PAK4: variants seen among roughly 807,000 people sequenced by gnomAD.
The protein encoded by PAK4 is p21 (RAC1) activated kinase 4, also known as serine/threonine-protein kinase PAK 4.
PAK4 carries 49 observed loss-of-function variants against 53.5 expected under a neutral mutation model. The observed-to-expected ratio is 0.92, with a 90% CI of 0.73 to 1.16. PAK4 has a LOEUF of 1.16. Among genes scored for constraint, PAK4 ranks in the 50% most tolerant of loss-of-function variants. The probability of loss-of-function intolerance (pLI) is 0.00; values close to 1 mark genes in which losing one functional copy is unlikely to be tolerated. For missense variants in PAK4, 824 were observed against 850.7 expected, an observed-to-expected ratio of 0.97 and a Z score of 0.39; for synonymous variants, 376 against 375.6, an observed-to-expected ratio of 1.00 and a Z score of -0.01.
chr19:39,145,217 T>C (rs1254934119), intron 1 of PAK4, among the ~76,000 whole-genome samples: 6 of 151,962 alleles, frequency 3.9e-5, no homozygotes, highest in Admixed American at 6.6e-5. Context: ...AAATGCTTGC[T>C]GTGGGTGCAG....
At chr19:39,172,470 A>AGT (rs1401803625) in intron 2 of PAK4, among the ~76,000 whole-genome samples, 1 of 151,496 alleles carries the variant, frequency 6.6e-6, no homozygotes, top group Non-Finnish European at 1.5e-5. Context: ...GGGAGCAGAG[A>AGT]GTGTGGTTTT....
rs763836055 is a variant in PAK4, at chr19:39,176,723, C to T, written c.1485+8C>T. 1 of 1,607,280 alleles carries T rather than the reference C, an allele frequency of 6.2e-7. No individual in the cohort carries two copies. Among genetic ancestry groups the T allele is most frequent in the Non-Finnish European group, 8.5e-7 (1 of 1,179,550 alleles). The stretch of plus-strand genomic sequence containing the variant: ...CTTCCCTACGGGCCAGAGGTGAGCC[C>T]CGGGGTGGCTTGGTTGTCCCGCCGT... On this transcript the variant is annotated splice_region_variant and intron_variant, in intron 7 of 8. Transcript: ENST00000358301.
chr19:39,179,093 T>G (rs1379446584), exon 9 of PAK4: 1 of 152,466 alleles, frequency 6.6e-6, no homozygotes, highest in Non-Finnish European at 1.5e-5. Context: ...AAGAGTGGCC[T>G]TTTCCCGTAG....
chr19:39,148,593 T>A (rs1164590188), intron 1 of PAK4, among the ~76,000 whole-genome samples: 1 of 146,420 alleles, frequency 6.8e-6, no homozygotes, highest in African/African-American at 2.5e-5. Context: ...TAGCTGGGAC[T>A]AGGGAGGCGC....
At chr19:39,170,313 T>G (rs1242634645) in intron 2 of PAK4, among the ~76,000 whole-genome samples, 1 of 150,426 alleles carries the variant, frequency 6.6e-6, no homozygotes, top group Admixed American at 6.6e-5. Flanking sequence ...CGGGCTTTAG[T>G]GGAGAAAATC....
At chr19:39,169,824 C>G (rs2144822786) in intron 2 of PAK4, 67 bp downstream of exon 3, 1 of 1,140,346 alleles carries the variant, frequency 8.8e-7, no homozygotes, top group Non-Finnish European at 1.2e-6. Context: ...GCCCTCAACC[C>G]CACACTCGAC....
chr19:39,166,466 C>T (rs1685859824), intron 1 of PAK4, among the ~76,000 whole-genome samples: 1 of 152,184 alleles, frequency 6.6e-6, no homozygotes, highest in Admixed American at 6.5e-5. Flanking sequence ...AAATACTCCA[C>T]GAAGCAGCTA....
intron 1 of PAK4, among the ~76,000 whole-genome samples, chr19:39,127,246 C>G (rs1033867681): frequency 4.6e-5 from 7 of 151,868 alleles, no homozygotes; most frequent in Non-Finnish European, 8.8e-5. Context: ...TTAGTCACTC[C>G]CACCTCACTT....
chr19:39,169,538 C>T (rs1240832597), exon 2 of PAK4: 2 of 1,610,174 alleles, frequency 1.2e-6, no homozygotes, highest in African/African-American at 1.3e-5. Flanking sequence ...GCAGGCCGCA[C>T]CGAGTCCCCG....
intron 1 of PAK4, among the ~76,000 whole-genome samples, chr19:39,126,700 G>GC: frequency 6.6e-6 from 1 of 151,982 alleles, no homozygotes; most frequent in South Asian, 2.1e-4. Flanking sequence ...CGGAGTTCTG[G>GC]CCCAGAGCCC....
chr19:39,160,568 C>T (rs2074268151), intron 1 of PAK4, among the ~76,000 whole-genome samples: 1 of 152,174 alleles, frequency 6.6e-6, no homozygotes, highest in African/African-American at 2.4e-5. Flanking sequence ...CAGTGCAGTT[C>T]TGGCTGAGGG....
chr19:39,154,075 C>T (rs1358146969), intron 1 of PAK4, among the ~76,000 whole-genome samples: 1 of 152,130 alleles, frequency 6.6e-6, no homozygotes, highest in African/African-American at 2.4e-5. Flanking sequence ...TGTAGTCATT[C>T]ATTCATTCAT....
At chr19:39,157,380 A>C (rs1191249081) in intron 1 of PAK4, among the ~76,000 whole-genome samples, 1 of 141,628 alleles carries the variant, frequency 7.1e-6, no homozygotes, top group African/African-American at 2.6e-5. Flanking sequence ...TCTCTTTGGG[A>C]GTCTCTGCAT....
At chr19:39,180,936 A>C (rs2074693852), downstream of PAK4, 1 of 152,238 alleles carries the variant, frequency 6.6e-6, no homozygotes, top group Non-Finnish European at 1.5e-5. Flanking sequence ...ACGGGCACTG[A>C]GAACAGCTAG....
At chr19:39,134,563 A>C (rs2073775217) in intron 1 of PAK4, among the ~76,000 whole-genome samples, 1 of 151,800 alleles carries the variant, frequency 6.6e-6, no homozygotes, top group South Asian at 2.1e-4. Flanking sequence ...CTGTGTGCTG[A>C]GTGTATCTGT....
Position 39,173,430 on chromosome 19 carries a change from G to A in PAK4, c.663+54G>A. 1 of 1,405,134 alleles carries A rather than the reference G, an allele frequency of 7.1e-7. No homozygotes were observed. Among genetic ancestry groups the A allele is most frequent in the Non-Finnish European group, 9.5e-7 (1 of 1,055,076 alleles). 87.0% of individuals were successfully genotyped at this position (1,405,134 alleles called of 1,614,324 possible). A position where few individuals can be genotyped will look rare whatever the true frequency, so the allele number is the denominator to read the frequency against. ...ACTGTCCCCTGCCCGTTGCTCCTCT[G>A]TCCCCACCTTCCAGCCCCGCCCCAC... On this transcript the variant is annotated intron_variant, in intron 3 of 8. Coordinates refer to ENST00000358301, the Ensembl canonical transcript of PAK4. This position sits in a 1 kb window ranked among gnomAD's most constrained non-coding sequence, Gnocchi z 6.9.
chr19:39,128,696 G>A (rs2073638936), intron 1 of PAK4, among the ~76,000 whole-genome samples: 1 of 152,202 alleles, frequency 6.6e-6, no homozygotes, highest in African/African-American at 2.4e-5. Flanking sequence ...TACAGTTAGA[G>A]GCCAAGGGTC....
Position 39,172,903 on chromosome 19 carries a change from T to G in PAK4, c.205-15T>G, listed in dbSNP as rs547564978. On this transcript the variant is annotated splice_polypyrimidine_tract_variant and intron_variant, in intron 2 of 8. Transcript: ENST00000358301. ...TCCTTGCTGGGCCCCCACCCACCAT[T>G]GCCTGGGACCCCAGACCATCGTGCG... The G allele has an allele frequency of 6.6e-7, 1 of 1,514,146 alleles. No homozygotes were observed. Among genetic ancestry groups the G allele is most frequent in the Non-Finnish European group, 8.9e-7 (1 of 1,123,184 alleles). 93.8% of individuals were successfully genotyped at this position (1,514,146 alleles called of 1,614,324 possible).
chr19:39,137,482 C>G (rs1461041818), intron 1 of PAK4, among the ~76,000 whole-genome samples: 5 of 152,186 alleles, frequency 3.3e-5, no homozygotes, highest in African/African-American at 1.2e-4. Context: ...CCGTGTGACC[C>G]ATTTCACAGA....
Sources: gnomAD v4.1 joint callset for allele counts (sites outside exome capture counted in the v4.1 genomes callset) on GRCh38, gnomAD v4.1.1 for gene constraint, Gnocchi (gnomAD v3.1) non-coding constraint, MANE v1.5 for transcripts, NCBI Gene and HGNC (gene_info 2026-07-23, HGNC 2026-07-21) for gene names.